The following SUPT3H variants were observed in gnomAD, a reference collection of about 807,000 sequenced individuals.
SUPT3H encodes the protein transcription initiation protein SPT3 homolog.
Under a neutral mutation model 44.3 loss-of-function variants are expected in SUPT3H, and 44 were observed. The ratio of observed to expected loss-of-function variants is 0.99; its 90% confidence interval spans 0.78 to 1.28. The LOEUF is 1.28. Among genes scored for constraint, SUPT3H ranks in the 50% most tolerant of loss-of-function variants. The probability of loss-of-function intolerance (pLI) is 0.00; values close to 1 mark genes in which losing one functional copy is unlikely to be tolerated. For missense variants in SUPT3H, 380 were observed against 387.1 expected (o/e 0.98, Z 0.15); for synonymous variants, 124 against 125.6 (o/e 0.99, Z 0.09).
intron 9 of SUPT3H, among the ~76,000 whole-genome samples, chr6:44,938,373 T>G (rs568830823): frequency 6.6e-6 from 1 of 152,220 alleles, no homozygotes; most frequent in East Asian, 1.9e-4. Flanking sequence ...AGGCAAAGTT[T>G]AGTTGGCTGT....
At chr6:45,136,498 C>T (rs747355622) in intron 2 of SUPT3H, among the ~76,000 whole-genome samples, 4 of 151,622 alleles carry the variant, frequency 2.6e-5, no homozygotes, top group Non-Finnish European at 5.9e-5. Context: ...ACAAGTCAAG[C>T]AGTCATTATA....
intron 5 of SUPT3H, among the ~76,000 whole-genome samples, chr6:45,005,780 TCTCTC>T (rs904573153): frequency 2.6e-5 from 4 of 152,120 alleles, no homozygotes; most frequent in Non-Finnish European, 5.9e-5. Context: ...TGAGATGACT[TCTCTC>T]CACTCACACA....
chr6:45,309,124 T>C (rs1258630417), intron 2 of SUPT3H, among the ~76,000 whole-genome samples: 58 of 149,222 alleles, frequency 3.9e-4, no homozygotes, highest in Admixed American at 3.9e-3. Context: ...ACACTGTGAG[T>C]GTTTATGCCT....
chr6:45,047,012 T>C (rs1789505350), intron 3 of SUPT3H, among the ~76,000 whole-genome samples: 1 of 152,230 alleles, frequency 6.6e-6, no homozygotes, highest in Non-Finnish European at 1.5e-5. Flanking sequence ...TGCCGGTATA[T>C]AAAAATACAA....
intron 2 of SUPT3H, among the ~76,000 whole-genome samples, chr6:45,149,148 G>T (rs955457909): frequency 6.6e-6 from 1 of 152,110 alleles, no homozygotes; most frequent in East Asian, 1.9e-4. Flanking sequence ...TGACAAATAT[G>T]CATTGGTATG....
chr6:44,882,439 C>T (rs1299204268), intron 10 of SUPT3H, among the ~76,000 whole-genome samples: 7 of 152,134 alleles, frequency 4.6e-5, no homozygotes, highest in Non-Finnish European at 7.4e-5. Context: ...GATTCACAGC[C>T]GAATTCTACC....
chr6:45,017,224 C>T (rs553203234), intron 4 of SUPT3H, among the ~76,000 whole-genome samples: 61 of 149,654 alleles, frequency 4.1e-4, no homozygotes, highest in Admixed American at 3.2e-3. Context: ...TGTTTGAGTT[C>T]ATTGTAGATT....
chr6:45,130,197 G>A (rs1196928994), intron 2 of SUPT3H, among the ~76,000 whole-genome samples: 1 of 152,098 alleles, frequency 6.6e-6, no homozygotes, highest in African/African-American at 2.4e-5. Flanking sequence ...CCCTCTCTCA[G>A]CATCTTCCCT....
chr6:45,308,079 AAG>A (rs770850241), intron 2 of SUPT3H, among the ~76,000 whole-genome samples: 1 of 152,116 alleles, frequency 6.6e-6, no homozygotes, highest in African/African-American at 2.4e-5. Flanking sequence ...AAAGAAACAA[AAG>A]CAAAGCCTCC....
At chr6:45,026,107 A>T (rs1191924200) in intron 3 of SUPT3H, among the ~76,000 whole-genome samples, 1 of 152,126 alleles carries the variant, frequency 6.6e-6, no homozygotes, top group African/African-American at 2.4e-5. Flanking sequence ...CTGGCTTAAA[A>T]TTATTTATTT....
chr6:45,070,296 T>A (rs907856772), intron 3 of SUPT3H, among the ~76,000 whole-genome samples: 1 of 152,170 alleles, frequency 6.6e-6, no homozygotes, highest in South Asian at 2.1e-4. Context: ...ATGAGAATTA[T>A]ATAGAGTTTT....
At chr6:45,266,794 C>T (rs867787908) in intron 2 of SUPT3H, among the ~76,000 whole-genome samples, 9 of 151,918 alleles carry the variant, frequency 5.9e-5, no homozygotes, top group Non-Finnish European at 1.2e-4. Context: ...TAAGGAACAT[C>T]TTCTTTACAA....
intron 3 of SUPT3H, among the ~76,000 whole-genome samples, chr6:45,035,145 G>C (rs1787486660): frequency 6.6e-6 from 1 of 152,088 alleles, no homozygotes; most frequent in African/African-American, 2.4e-5. Flanking sequence ...TGTAGGGTAA[G>C]AATTTTTCAT....
chr6:45,065,193 C>T (rs1368005903), intron 3 of SUPT3H, among the ~76,000 whole-genome samples: 1 of 151,576 alleles, frequency 6.6e-6, no homozygotes, highest in Non-Finnish European at 1.5e-5. Flanking sequence ...AACTGAACAA[C>T]CTGCTCCTGA....
At chr6:44,954,448 A>G (rs747461537) in intron 8 of SUPT3H, 47 bp downstream of exon 8, 1 of 1,388,264 alleles carries the variant, frequency 7.2e-7, no homozygotes, top group Admixed American at 1.7e-5. Flanking sequence ...GCAGAGATAA[A>G]GAAAAACCAG....
rs1489076667 is a variant in SUPT3H at position 45,158,296 on chromosome 6, A to ATTT, written c.102-52291_102-52290insAAA. On this transcript the variant is annotated intron_variant, in intron 2 of 10. Coordinates refer to ENST00000371459, the MANE Select transcript of SUPT3H (RefSeq NM_003599.4). ...TATACATATATATATATATATATATATATTTTTTTTTTTTTTTTTTTGAGA... is the reference window on the plus strand; with the variant it reads ...TATACATATATATATATATATATATATTTTATTTTTTTTTTTTTTTTTTTGAGA... Among the ~76,000 whole-genome samples the ATTT allele has an allele frequency of 6.8e-4, 49 of 72,012 alleles. 1 individual carries two copies. Among genetic ancestry groups the ATTT allele is most frequent in the Admixed American group, 8.7e-4 (5 of 5,736 alleles). The allele number at this position is 72,012 out of a possible 152,430, so 47.2% of individuals were successfully genotyped here.
chr6:45,096,130 CAAAAT>C (rs1483430293), intron 3 of SUPT3H, among the ~76,000 whole-genome samples: 2 of 152,010 alleles, frequency 1.3e-5, no homozygotes, highest in East Asian at 1.9e-4. Context: ...TGCAACATAA[CAAAAT>C]AAAGAAACTA....
intron 2 of SUPT3H, among the ~76,000 whole-genome samples, chr6:45,135,565 G>C (rs973610585): frequency 2.0e-5 from 3 of 152,118 alleles, no homozygotes; most frequent in Non-Finnish European, 2.9e-5. Context: ...TGAAGCCCTA[G>C]GGCATGGACA....
intron 10 of SUPT3H, among the ~76,000 whole-genome samples, chr6:44,841,954 A>G (rs552192081): frequency 7.7e-4 from 117 of 152,324 alleles, no homozygotes; most frequent in African/African-American, 2.7e-3. Flanking sequence ...GTGTGTGTGT[A>G]TATACACACA....
Sources: allele counts gnomAD v4.1 joint callset (sites outside exome capture counted in the v4.1 genomes callset), GRCh38; gene constraint gnomAD v4.1.1; transcripts MANE v1.5; gene names NCBI Gene and HGNC (gene_info 2026-07-23, HGNC 2026-07-21).